The following ZDHHC17 variants were observed in gnomAD, a reference collection of about 807,000 sequenced individuals.
ZDHHC17 encodes palmitoyltransferase ZDHHC17.
ZDHHC17 carries 40 observed loss-of-function variants against 90.3 expected under a neutral mutation model. The observed-to-expected ratio is 0.44, with a 90% confidence interval of 0.34 to 0.58. The LOEUF is 0.58. Ranked by LOEUF, ZDHHC17 falls within the 20% of genes least tolerant of loss-of-function variation. ZDHHC17 has a pLI of 0.01. For missense variants in ZDHHC17, 614 were observed against 780.8 expected (o/e 0.79, Z 2.55); for synonymous variants, 235 against 252.4 (o/e 0.93, Z 0.65).
intron 1 of ZDHHC17, among the ~76,000 whole-genome samples, chr12:76,787,743 A>T (rs1952707257): frequency 6.6e-6 from 1 of 152,212 alleles, no homozygotes; most frequent in Non-Finnish European, 1.5e-5. Context: ...GTGGCTGGAT[A>T]TAAGATAAAT....
intron 2 of ZDHHC17, among the ~76,000 whole-genome samples, chr12:76,801,706 C>T (rs1952893802): frequency 6.6e-6 from 1 of 152,110 alleles, no homozygotes; most frequent in Non-Finnish European, 1.5e-5. Flanking sequence ...ATTTATGTTA[C>T]TGAATTTATA....
At chr12:76,816,232 G>A (rs1208691902) in intron 7 of ZDHHC17, among the ~76,000 whole-genome samples, 2 of 151,840 alleles carry the variant, frequency 1.3e-5, no homozygotes, top group Admixed American at 6.6e-5. Context: ...ATTTAAATTT[G>A]ATAAATGCCT....
rs188802348 is a variant in ZDHHC17, at chr12:76,833,612, G to T, written c.1141+5122G>T. Among the ~76,000 whole-genome samples, 1,047 of 151,822 alleles carry T rather than the reference G, an allele frequency of 6.9e-3. 36 individuals are homozygous for T. The highest frequency in any genetic ancestry group is 9.3e-3 in the East Asian group (48 of 5,140). Reference sequence around the variant, plus strand: ...CCGAGACCATCCTGGCTAACATGGTGAAACCCCGTCTCTACTAAAAATACA... The same window carrying T: ...CCGAGACCATCCTGGCTAACATGGTTAAACCCCGTCTCTACTAAAAATACA... On this transcript the variant is annotated intron_variant, in intron 10 of 16. Transcript: ENST00000426126.
Position 76,809,867 on chromosome 12 carries a change from A to AG in ZDHHC17, c.543+10_543+11insG. Reference sequence around the variant, plus strand: ...CATAGCAAAAGGACAGGTAAAAAAAATCTCAGTGGTATGGATTTTAATCAG... The same window carrying AG: ...CATAGCAAAAGGACAGGTAAAAAAAAGTCTCAGTGGTATGGATTTTAATCAG... On this transcript the variant is annotated intron_variant, in intron 5 of 16. Transcript: ENST00000426126. 2 of 1,607,194 alleles carry AG rather than the reference A, an allele frequency of 1.2e-6. No individual in the cohort carries two copies. The highest frequency in any genetic ancestry group is 1.7e-4 in the Middle Eastern group (1 of 6,052).
At chr12:76,814,797 C>T (rs569710029) in intron 5 of ZDHHC17, among the ~76,000 whole-genome samples, 4 of 151,812 alleles carry the variant, frequency 2.6e-5, no homozygotes, top group East Asian at 1.9e-4. Flanking sequence ...ACAGTTTTGT[C>T]GTTCTCTCTT....
chr12:76,829,936 G>A (rs1457051054), intron 10 of ZDHHC17, among the ~76,000 whole-genome samples: 7 of 151,994 alleles, frequency 4.6e-5, no homozygotes, highest in East Asian at 1.9e-4. Context: ...CCAGCAATCC[G>A]TCTGCCTGAG....
rs1219057506 is a variant in ZDHHC17 at position 76,853,634 on chromosome 12, C to T, written c.*2649C>T. The T allele has an allele frequency of 6.6e-6, 1 of 152,318 alleles. No individual in the cohort carries two copies. Among genetic ancestry groups the T allele is most frequent in the Admixed American group, 6.6e-5 (1 of 15,262 alleles). The allele number at this position is 152,318 out of a possible 1,614,324, so 9.4% of individuals were successfully genotyped here. A position where few individuals can be genotyped will look rare whatever the true frequency, so the allele number is the denominator to read the frequency against. ...GTAAAGTGTTTAATAAATTAGCCCT[C>T]CTTACATAAATTAAATGTCAAAATT... On this transcript the variant is annotated 3_prime_UTR_variant, in exon 17 of 17. Transcript: ENST00000426126.
intron 2 of ZDHHC17, among the ~76,000 whole-genome samples, chr12:76,801,737 A>T (rs997597556): frequency 6.6e-6 from 1 of 152,238 alleles, no homozygotes; most frequent in South Asian, 2.1e-4. Flanking sequence ...CCAATAACTT[A>T]ATAAACTGTG....
chr12:76,797,859 G>A (rs1239144404), intron 2 of ZDHHC17, among the ~76,000 whole-genome samples: 3 of 151,810 alleles, frequency 2.0e-5, no homozygotes, highest in African/African-American at 7.3e-5. Flanking sequence ...CGGGAGAATC[G>A]CTTGAACCCA....
At chr12:76,839,143 A>G (rs1592497001) in intron 10 of ZDHHC17, among the ~76,000 whole-genome samples, 1 of 152,202 alleles carries the variant, frequency 6.6e-6, no homozygotes, top group East Asian at 1.9e-4. Flanking sequence ...TTTAAGCTTA[A>G]TTGCTTCCTA....
intron 10 of ZDHHC17, chr12:76,839,979 A>C (rs1055130267): frequency 1.3e-5 from 2 of 152,204 alleles, no homozygotes; most frequent in South Asian, 4.1e-4. Flanking sequence ...AGGTCATATG[A>C]GTCTGAGTTT....
At chr12:76,778,223 T>G (rs1005463783) in intron 1 of ZDHHC17, among the ~76,000 whole-genome samples, 1 of 152,130 alleles carries the variant, frequency 6.6e-6, no homozygotes, top group African/African-American at 2.4e-5. Context: ...TTTGTTTGTT[T>G]TTTTGAGATG....
intron 7 of ZDHHC17, among the ~76,000 whole-genome samples, chr12:76,820,308 A>G (rs906146749): frequency 6.6e-6 from 1 of 152,226 alleles, no homozygotes. Flanking sequence ...GTAAAGCAAC[A>G]ACAGGGGAAA....
chr12:76,794,295 G>A (rs1229559067), intron 1 of ZDHHC17, among the ~76,000 whole-genome samples: 2 of 152,026 alleles, frequency 1.3e-5, no homozygotes, highest in Non-Finnish European at 2.9e-5. Context: ...TGTTAGATAT[G>A]CTTATTTATA....
intron 7 of ZDHHC17, chr12:76,821,146 C>CT: frequency 7.8e-7 from 1 of 1,280,540 alleles, no homozygotes; most frequent in Non-Finnish European, 1.0e-6. Context: ...GAGTTGTTAC[C>CT]CAAGGGATTG....
intron 5 of ZDHHC17, among the ~76,000 whole-genome samples, chr12:76,810,792 C>T (rs1953010281): frequency 6.6e-6 from 1 of 152,180 alleles, no homozygotes; most frequent in Non-Finnish European, 1.5e-5. Context: ...ATTAATACGT[C>T]TCACAATTTT....
chr12:76,803,503 A>G (rs1342316057), intron 2 of ZDHHC17, among the ~76,000 whole-genome samples: 1 of 152,084 alleles, frequency 6.6e-6, no homozygotes, highest in Non-Finnish European at 1.5e-5. Flanking sequence ...AGGCAATGGT[A>G]ATTACTCAGC....
chr12:76,814,680 A>C (rs1953063478), intron 5 of ZDHHC17, among the ~76,000 whole-genome samples: 1 of 151,934 alleles, frequency 6.6e-6, no homozygotes, highest in South Asian at 2.1e-4. Context: ...TTTCCACACA[A>C]ACTGCAGAAT....
rs1315290150 is a variant in ZDHHC17, at chr12:76,788,671, T to A, written c.94-8763T>A. ...AGATGAACTAGGATAGGAAAATATA[T>A]TTAAGTTGGAATCGCAATTTTTTTT... On this transcript the variant is annotated intron_variant, in intron 1 of 16. Transcript: ENST00000426126. Among the ~76,000 whole-genome samples the A allele has an allele frequency of 2.1e-5, 3 of 143,500 alleles. 1 individual carries two copies. Among genetic ancestry groups the A allele is most frequent in the Non-Finnish European group, 4.5e-5 (3 of 66,836 alleles). The allele number at this position is 143,500 out of a possible 152,430, so 94.1% of individuals were successfully genotyped here.
Sources: allele counts gnomAD v4.1 joint callset (sites outside exome capture counted in the v4.1 genomes callset), GRCh38; gene constraint gnomAD v4.1.1; transcripts MANE v1.5; gene names NCBI Gene and HGNC (gene_info 2026-07-23, HGNC 2026-07-21).